The following PHACTR3 variants were observed in gnomAD, a reference collection of about 807,000 sequenced individuals.
PHACTR3 encodes phosphatase and actin regulator 3.
A neutral mutation model predicts 66.8 loss-of-function variants in PHACTR3; 16 were observed. The observed-to-expected ratio is 0.24, with a 90% CI of 0.16 to 0.36. The LOEUF (loss-of-function observed/expected upper bound fraction) is 0.36, where lower values mean the gene tolerates loss of function less well. Among genes scored for constraint, PHACTR3 ranks in the 10% least tolerant of loss-of-function variants. The probability of loss-of-function intolerance (pLI) is 1.00; values close to 1 mark genes in which losing one functional copy is unlikely to be tolerated. For missense variants in PHACTR3, 647 were observed against 719.9 expected, an observed-to-expected ratio of 0.90 and a Z score of 1.16; for synonymous variants, 323 against 292.1, an observed-to-expected ratio of 1.11 and a Z score of -1.08.
At chr20:59,807,827 ATGTC>A (rs1172299796) in intron 8 of PHACTR3, among the ~76,000 whole-genome samples, 1 of 152,180 alleles carries the variant, frequency 6.6e-6, no homozygotes, top group Non-Finnish European at 1.5e-5. Flanking sequence ...CATGAGGTGC[ATGTC>A]TGTGCATATA....
At chr20:59,716,752 C>A (rs1335981132) in intron 1 of PHACTR3, among the ~76,000 whole-genome samples, 1 of 152,160 alleles carries the variant, frequency 6.6e-6, no homozygotes, top group South Asian at 2.1e-4. Flanking sequence ...CACCAAATTG[C>A]GGGCTTCATG....
At position 59,819,964 on chromosome 20, in the gene PHACTR3, T is replaced by A. The variant is rs927940810; in HGVS notation, c.1328+13770T>A. ...CAGAAGCTGTTGGCATTTAGCAATT[T>A]ATGATTTTCTTCCTTTTTTTGATGC... On this transcript the variant is annotated intron_variant, in intron 8 of 12. Transcript: ENST00000371015. Among the ~76,000 whole-genome samples, 12 of 152,364 alleles carry A rather than the reference T, an allele frequency of 7.9e-5. No homozygotes were observed. In the East Asian group the frequency reaches 2.3e-3, roughly 29 times the overall value.
intron 1 of PHACTR3, among the ~76,000 whole-genome samples, chr20:59,680,920 G>A (rs2036619500): frequency 1.3e-5 from 2 of 152,210 alleles, no homozygotes; most frequent in East Asian, 3.9e-4. Context: ...ACACATTCAG[G>A]TGCACCTGTC....
chr20:59,581,341 T>C (rs2032850614), intron 1 of PHACTR3, among the ~76,000 whole-genome samples: 1 of 152,164 alleles, frequency 6.6e-6, no homozygotes, highest in South Asian at 2.1e-4. Flanking sequence ...TTCGTTTCTC[T>C]CCTTTCCCCC....
In PHACTR3 at chr20:59,635,225, T is replaced by C. The variant is rs1437381261; in HGVS notation, c.118+30093T>C. ...CTTTCTTTCCTTCCTTCCTTCCTTC[T>C]TTCTTTCTTTCTTTTTTTTTTTTTT... is the stretch of plus-strand genomic sequence containing the variant. On this transcript the variant is annotated intron_variant, in intron 1 of 12. Coordinates refer to ENST00000371015, the MANE Select transcript of PHACTR3 (RefSeq NM_080672.5). 3.0e-4 allele frequency among the ~76,000 whole-genome samples: 38 copies of C among 126,242 alleles called. 1 individual carries two copies. Among genetic ancestry groups the C allele is most frequent in the African/African-American group, 7.1e-4 (24 of 33,736 alleles). 82.8% of individuals were successfully genotyped at this position (126,242 alleles called of 152,430 possible).
chr20:59,720,683 A>C (rs1226350628), intron 1 of PHACTR3, among the ~76,000 whole-genome samples: 1 of 152,002 alleles, frequency 6.6e-6, no homozygotes, highest in Non-Finnish European at 1.5e-5. Flanking sequence ...TTTGCCGTGC[A>C]TTTTTTTTCC....
chr20:59,761,706 A>T (rs2039998547), intron 4 of PHACTR3, among the ~76,000 whole-genome samples: 1 of 152,228 alleles, frequency 6.6e-6, no homozygotes, highest in African/African-American at 2.4e-5. Flanking sequence ...ATAAGTGGGG[A>T]TTACACAGAA....
At chr20:59,600,455 C>T (rs539341438), upstream of PHACTR3, among the ~76,000 whole-genome samples, 37 of 152,244 alleles carry the variant, frequency 2.4e-4, no homozygotes, top group Non-Finnish European at 4.9e-4. Context: ...TTGGTCTGTA[C>T]CTGCTTTAAG....
At chr20:59,747,714 A>C in intron 2 of PHACTR3, 44 bp from the exon 3 acceptor site, 1 of 1,601,292 alleles carries the variant, frequency 6.2e-7, no homozygotes, top group Non-Finnish European at 8.5e-7. Context: ...GGGCCCAGTG[A>C]CACCTTTGCC....
At chr20:59,741,919 C>T (rs1568768257) in intron 1 of PHACTR3, among the ~76,000 whole-genome samples, 4 of 152,148 alleles carry the variant, frequency 2.6e-5, no homozygotes, top group Non-Finnish European at 2.9e-5. Flanking sequence ...CCCGCCACCA[C>T]ACTCAGCTAA....
intron 7 of PHACTR3, among the ~76,000 whole-genome samples, chr20:59,799,828 C>T (rs1249100151): frequency 2.0e-5 from 3 of 152,012 alleles, no homozygotes; most frequent in African/African-American, 4.8e-5. Flanking sequence ...TTAACTCTAC[C>T]GTCTGGCAAT....
At chr20:59,835,405 G>C (rs1247855864) in intron 8 of PHACTR3, among the ~76,000 whole-genome samples, 1 of 152,176 alleles carries the variant, frequency 6.6e-6, no homozygotes, top group Admixed American at 6.5e-5. Context: ...GGAGGGAGGA[G>C]TGGCTGAGCC....
chr20:59,761,886 G>T (rs554765957), intron 4 of PHACTR3, among the ~76,000 whole-genome samples: 1 of 152,338 alleles, frequency 6.6e-6, no homozygotes, highest in South Asian at 2.1e-4. Context: ...GCCTCTGCTG[G>T]TCCAGCCCCA....
chr20:59,681,609 G>A (rs1156976251), intron 1 of PHACTR3, among the ~76,000 whole-genome samples: 1 of 152,214 alleles, frequency 6.6e-6, no homozygotes, highest in African/African-American at 2.4e-5. Context: ...AGACTGTTAG[G>A]GAGGCTGAGT....
intron 4 of PHACTR3, among the ~76,000 whole-genome samples, chr20:59,759,516 C>A (rs118057828): frequency 2.0e-5 from 3 of 152,158 alleles, no homozygotes; most frequent in Non-Finnish European, 2.9e-5. Context: ...GTTTGCAACC[C>A]TTTCCATGAA....
In PHACTR3 at chr20:59,618,031, A is replaced by C. The variant is rs904414935; in HGVS notation, c.118+12899A>C. Among the ~76,000 whole-genome samples, 6 of 152,326 alleles carry C rather than the reference A, an allele frequency of 3.9e-5. 1 individual carries two copies. The highest frequency in any genetic ancestry group is 3.9e-4 in the Admixed American group (6 of 15,310). On this transcript the variant is annotated intron_variant, in intron 1 of 12. Transcript: ENST00000371015. ...CCTGCGGGCTTGTGGAGGGGTTGGC[A>C]TATCTGGGGATCTGAGGGAAGGGTC...
At chr20:59,752,905 T>C (rs983307715) in intron 3 of PHACTR3, among the ~76,000 whole-genome samples, 1 of 152,154 alleles carries the variant, frequency 6.6e-6, no homozygotes, top group Non-Finnish European at 1.5e-5. Flanking sequence ...TCCCTGTGTG[T>C]TGCCAGGGGC....
At chr20:59,840,205 T>G (rs2059033310) in intron 9 of PHACTR3, among the ~76,000 whole-genome samples, 164 bp from the exon 10 acceptor site, 1 of 152,208 alleles carries the variant, frequency 6.6e-6, no homozygotes, top group Admixed American at 6.5e-5. Flanking sequence ...CATGATCTCC[T>G]GAGCAGTGAC....
chr20:59,757,216 T>TG (rs1216040251), intron 4 of PHACTR3, among the ~76,000 whole-genome samples: 1 of 152,176 alleles, frequency 6.6e-6, no homozygotes, highest in Admixed American at 6.5e-5. Flanking sequence ...CAGCCCTTGA[T>TG]GGGGGTCACG....
Sources: gnomAD v4.1 joint callset for allele counts (sites outside exome capture counted in the v4.1 genomes callset) on GRCh38, gnomAD v4.1.1 for gene constraint, MANE v1.5 for transcripts, NCBI Gene and HGNC (gene_info 2026-07-23, HGNC 2026-07-21) for gene names.